The following LHCGR variants were observed in gnomAD, a reference collection of about 807,000 sequenced individuals.
LHCGR encodes the protein luteinizing hormone/choriogonadotropin receptor.
LHCGR carries 55 observed loss-of-function variants against 60.7 expected under a neutral mutation model. That is an observed-to-expected ratio of 0.91 (90% CI 0.73 to 1.13). LHCGR has a LOEUF of 1.13. Among genes scored for constraint, LHCGR ranks in the 50% most tolerant of loss-of-function variants. The pLI is 0.00. For synonymous variants in LHCGR, 337 were observed against 316.5 expected, an observed-to-expected ratio of 1.06 and a Z score of -0.69; for missense variants, 862 against 836.0, an observed-to-expected ratio of 1.03 and a Z score of -0.38.
chr2:48,732,994 T>C (rs1669065167), intron 1 of LHCGR: 4 of 530,816 alleles, frequency 7.5e-6, no homozygotes, highest in Non-Finnish European at 1.5e-5. Context: ...GATGGCATAT[T>C]TGCTTCCTAT....
intron 6 of LHCGR, chr2:48,721,716 C>T: frequency 6.4e-6 from 3 of 471,048 alleles, no homozygotes; most frequent in Middle Eastern, 3.2e-4. Flanking sequence ...CATTCCAATC[C>T]ATGTTTTCTC....
intron 1 of LHCGR, among the ~76,000 whole-genome samples, chr2:48,737,725 G>A (rs1179083226): frequency 2.0e-5 from 3 of 152,160 alleles, no homozygotes; most frequent in Admixed American, 6.5e-5. Context: ...AATATGTTAC[G>A]CTTTACACCA....
intron 9 of LHCGR, among the ~76,000 whole-genome samples, chr2:48,698,371 G>A (rs1393448367): frequency 6.6e-6 from 1 of 152,164 alleles, no homozygotes; most frequent in East Asian, 1.9e-4. Flanking sequence ...CTCTAATTCA[G>A]TTTACCCAGA....
chr2:48,703,958 CT>C (rs200163798), intron 8 of LHCGR, among the ~76,000 whole-genome samples: 1,809 of 152,264 alleles, frequency 0.012, 44 homozygotes, highest in African/African-American at 0.042. Flanking sequence ...GCATCCTTGT[CT>C]TGTGCCAGTT....
At chr2:48,728,625 T>C (rs749014679) in intron 3 of LHCGR, among the ~76,000 whole-genome samples, 2 of 152,180 alleles carry the variant, frequency 1.3e-5, no homozygotes, top group African/African-American at 2.4e-5. Flanking sequence ...TTGTGATTTT[T>C]TGGGGAAATG....
intron 4 of LHCGR, among the ~76,000 whole-genome samples, chr2:48,724,303 A>G (rs1185238969): frequency 6.6e-6 from 1 of 152,096 alleles, no homozygotes; most frequent in African/African-American, 2.4e-5. Flanking sequence ...TGAAGAGGAG[A>G]GAGGCTTAAG....
chr2:48,719,214 T>C (rs576619704), intron 6 of LHCGR, among the ~76,000 whole-genome samples: 41 of 152,154 alleles, frequency 2.7e-4, no homozygotes, highest in African/African-American at 9.4e-4. Flanking sequence ...CCCAGCTACT[T>C]GGGAGGCTGA....
At chr2:48,689,683 A>G (rs17326251) in intron 10 of LHCGR, among the ~76,000 whole-genome samples, 78,104 of 151,828 alleles carry the variant, frequency 0.51, 22,078 homozygotes, top group East Asian at 0.92. Flanking sequence ...TTCCAACCCC[A>G]CTGATACTTC....
intron 1 of LHCGR, among the ~76,000 whole-genome samples, chr2:48,753,632 A>T (rs1035522305): frequency 6.6e-6 from 1 of 152,144 alleles, no homozygotes; most frequent in Non-Finnish European, 1.5e-5. Flanking sequence ...TTTAAAAAAA[A>T]TTTACTTCAG....
intron 7 of LHCGR, among the ~76,000 whole-genome samples, chr2:48,709,285 C>T (rs1667860150): frequency 6.6e-6 from 1 of 152,130 alleles, no homozygotes; most frequent in Non-Finnish European, 1.5e-5. Flanking sequence ...TTAAAGTACT[C>T]ACCCCCTCCT....
intron 1 of LHCGR, among the ~76,000 whole-genome samples, chr2:48,753,383 G>A (rs1220312501): frequency 6.6e-6 from 1 of 152,198 alleles, no homozygotes; most frequent in Non-Finnish European, 1.5e-5. Context: ...AACCTCCACA[G>A]AGTGACAAGG....
chr2:48,722,047 G>A (rs1467125462), intron 6 of LHCGR, among the ~76,000 whole-genome samples: 1 of 152,212 alleles, frequency 6.6e-6, no homozygotes, highest in Non-Finnish European at 1.5e-5. Flanking sequence ...CTACTCAGGA[G>A]GCTGAGGCAG....
At chr2:48,710,828 C>G (rs1325374801) in intron 7 of LHCGR, among the ~76,000 whole-genome samples, 1 of 152,172 alleles carries the variant, frequency 6.6e-6, no homozygotes, top group East Asian at 1.9e-4. Flanking sequence ...TTGGACAGGT[C>G]TATTTATGAG....
At chr2:48,751,329 TC>T (rs1291136360) in intron 1 of LHCGR, among the ~76,000 whole-genome samples, 1 of 152,098 alleles carries the variant, frequency 6.6e-6, no homozygotes, top group East Asian at 1.9e-4. Flanking sequence ...AAGAAATATT[TC>T]CCCCCCAGCC....
At chr2:48,733,674 C>A (rs1313697248) in intron 1 of LHCGR, among the ~76,000 whole-genome samples, 1 of 152,016 alleles carries the variant, frequency 6.6e-6, no homozygotes, top group African/African-American at 2.4e-5. Context: ...GGCAGGTGCA[C>A]TGTGCTTTTC....
At chr2:48,725,651 T>G in intron 4 of LHCGR, 25 bp downstream of exon 4, 1 of 1,563,574 alleles carries the variant, frequency 6.4e-7, no homozygotes, top group South Asian at 1.1e-5. Flanking sequence ...CCCTCCCCAA[T>G]TGCTTAAAAA....
At chr2:48,720,916 C>T (rs986200503) in intron 6 of LHCGR, 4 of 152,216 alleles carry the variant, frequency 2.6e-5, no homozygotes, top group African/African-American at 9.6e-5. Context: ...ATAAGGGCTA[C>T]ATACATATTA....
chr2:48,705,361 A>G (rs1220690252), intron 8 of LHCGR, among the ~76,000 whole-genome samples: 1 of 152,206 alleles, frequency 6.6e-6, no homozygotes, highest in Non-Finnish European at 1.5e-5. Flanking sequence ...AAGAATGTAT[A>G]TTCTGCTGAT....
At chr2:48,702,927 G>T (rs180785307) in intron 8 of LHCGR, among the ~76,000 whole-genome samples, 87 of 152,290 alleles carry the variant, frequency 5.7e-4, no homozygotes, top group Admixed American at 9.8e-4. Flanking sequence ...ATCCTCTCCA[G>T]CATCTGTTGT....
Sources: gnomAD v4.1 joint callset for allele counts (sites outside exome capture counted in the v4.1 genomes callset) on GRCh38, gnomAD v4.1.1 for gene constraint, MANE v1.5 for transcripts, NCBI Gene and HGNC (gene_info 2026-07-23, HGNC 2026-07-21) for gene names.